The following FBXO5 variants were observed in gnomAD, a reference collection of about 807,000 sequenced individuals.
FBXO5 encodes the protein F-box protein 5, also known as F-box only protein 5.
Under a neutral mutation model 43.3 loss-of-function variants are expected in FBXO5, and 8 were observed. The ratio of observed to expected loss-of-function variants is 0.18; its 90% CI spans 0.11 to 0.33. FBXO5 has a LOEUF of 0.33. FBXO5 is among the 10% of genes least tolerant of loss of function. The probability of loss-of-function intolerance (pLI) is 1.00; values close to 1 mark genes in which losing one functional copy is unlikely to be tolerated. For missense variants in FBXO5, 491 were observed against 535.7 expected (o/e 0.92, Z 0.82); for synonymous variants, 204 against 193.7 (o/e 1.05, Z -0.44).
In FBXO5 at chr6:152,982,488, GGGGGA is replaced by G. The variant is rs376963527; in HGVS notation, c.103+364_103+368del. ...CTGTCACCGCCGGGGGCCCCGGGGTGGGGGAGGGGAGGGGCATTTGGCGCCTATTC... is the reference window on the plus strand; with the variant it reads ...CTGTCACCGCCGGGGGCCCCGGGGTGGGGGAGGGGCATTTGGCGCCTATTC... On this transcript the variant is annotated intron_variant, in intron 1 of 4. Coordinates refer to ENST00000229758, the MANE Select transcript of FBXO5 (RefSeq NM_012177.5). Among the ~76,000 whole-genome samples, 51 of 152,224 alleles carry G rather than the reference GGGGGA, an allele frequency of 3.4e-4. No homozygotes were observed. The East Asian group carries it at 9.7e-3, about 29-fold the overall frequency.
At position 152,982,879 on chromosome 6, in the gene FBXO5, G is replaced by A; in HGVS notation, c.81C>T (p.Ala27=). The change falls in exon 1 of 5, where the codon GCC becomes GCT. Residue 27 remains alanine (A), a synonymous_variant. Transcript: ENST00000229758. The part of the protein sequence containing the change: ...CSASPSAVTA[A]GRPRPSDSCK... Reference sequence around the variant, plus strand: ...CACTATCCGAGGGTCGAGGGCGCCCGGCGGCTGTCACTGCGCTGGGGCTGG... The same window carrying A: ...CACTATCCGAGGGTCGAGGGCGCCCAGCGGCTGTCACTGCGCTGGGGCTGG... The A allele has an allele frequency of 2.6e-6, 4 of 1,511,842 alleles. No homozygotes were observed. The highest frequency in any genetic ancestry group is 2.4e-5 in the South Asian group (2 of 82,272). The allele number at this position is 1,511,842 out of a possible 1,614,324, so 93.7% of individuals were successfully genotyped here.
chr6:152,972,254 G>C lies in FBXO5; in HGVS notation c.1092+18C>G, dbSNP rs1204547827. 1.3e-6 allele frequency: 2 copies of C among 1,577,680 alleles called. No homozygotes were observed. Among genetic ancestry groups the C allele is most frequent in the Non-Finnish European group, 1.7e-6 (2 of 1,155,454 alleles). ...AAATCTCTTATGTTTTAAGATTTAT[G>C]ATTAGACAAAAAATTACCTCAGAGA... On this transcript the variant is annotated intron_variant, in intron 4 of 4. Transcript: ENST00000229758.
At chr6:152,981,588 G>GA (rs966482905) in intron 1 of FBXO5, among the ~76,000 whole-genome samples, 4 of 150,252 alleles carry the variant, frequency 2.7e-5, no homozygotes, top group African/African-American at 7.3e-5. Flanking sequence ...GTAAACTGGG[G>GA]AAAAAATTCC....
At position 152,982,965 on chromosome 6, in the gene FBXO5, C is replaced by A. The variant is rs375372371; in HGVS notation, c.-6G>T. Reference sequence around the variant, plus strand: ...CTGCAGGGGCGCCGGCTCATGCCAGCCGACGTGGAGTCTGCCTCAGGTGGA... The same window carrying A: ...CTGCAGGGGCGCCGGCTCATGCCAGACGACGTGGAGTCTGCCTCAGGTGGA... On this transcript the variant is annotated 5_prime_UTR_variant, in exon 1 of 5. Transcript: ENST00000229758. The A allele has an allele frequency of 4.3e-6, 6 of 1,401,008 alleles. No individual in the cohort carries two copies. The African/African-American group carries it at 9.1e-5, about 21-fold the overall frequency. 86.8% of individuals were successfully genotyped at this position (1,401,008 alleles called of 1,614,324 possible).
chr6:152,975,287 G>A lies in FBXO5; in HGVS notation c.438C>T (p.Gly146=). 2.5e-6 allele frequency: 4 copies of A among 1,614,158 alleles called. No individual in the cohort carries two copies. In the South Asian group the frequency reaches 4.4e-5, roughly 18 times the overall value. ...CACTTTGTAGAGAAAATGAGGAATA[G>A]CCACTGTCTTCATAAAGTCTACTGG... ...LETSRLYEDS[G]YSSFSLQSGL... The change falls in exon 2 of 5, where the codon GGC becomes GGT. Residue 146 remains glycine (G), a synonymous_variant. Transcript: ENST00000229758.
At chr6:152,980,493 C>T (rs1778244280) in intron 1 of FBXO5, among the ~76,000 whole-genome samples, 1 of 152,078 alleles carries the variant, frequency 6.6e-6, no homozygotes. Flanking sequence ...GAATGATCTG[C>T]AGATTTGTGG....
At chr6:152,976,711 C>G (rs984098927) in intron 1 of FBXO5, among the ~76,000 whole-genome samples, 2 of 152,146 alleles carry the variant, frequency 1.3e-5, no homozygotes, top group Non-Finnish European at 2.9e-5. Flanking sequence ...AAGGGAAAGA[C>G]TTGTTCAGGG....
At chr6:152,975,782 T>C (rs571133445) in intron 1 of FBXO5, among the ~76,000 whole-genome samples, 161 bp from the exon 2 acceptor site, 1 of 152,344 alleles carries the variant, frequency 6.6e-6, no homozygotes, top group Non-Finnish European at 1.5e-5. Context: ...GTTTAATTAT[T>C]GATATGACAA....
intron 3 of FBXO5, chr6:152,972,675 A>T: frequency 2.0e-6 from 1 of 506,418 alleles, no homozygotes; most frequent in South Asian, 3.2e-5. Flanking sequence ...ATACTATGGG[A>T]AATCACTTTA....
chr6:152,981,963 A>G (rs1284416358), intron 1 of FBXO5, among the ~76,000 whole-genome samples: 1 of 152,184 alleles, frequency 6.6e-6, no homozygotes, highest in Non-Finnish European at 1.5e-5. Flanking sequence ...GAAATAAAGG[A>G]CTATCTAATT....
chr6:152,977,369 C>G (rs562185384), intron 1 of FBXO5, among the ~76,000 whole-genome samples: 13 of 152,132 alleles, frequency 8.5e-5, no homozygotes, highest in Non-Finnish European at 1.8e-4. Flanking sequence ...AAAACTTAAC[C>G]ATTTTTTACA....
intron 1 of FBXO5, among the ~76,000 whole-genome samples, chr6:152,979,942 AT>A (rs1230321884): frequency 3.9e-5 from 6 of 152,206 alleles, no homozygotes; most frequent in Non-Finnish European, 8.8e-5. Context: ...TGAGAGTGAA[AT>A]CTGGATGTTG....
chr6:152,982,895 C>T lies in FBXO5; in HGVS notation c.65G>A (p.Ser22Asn). Reference protein sequence around the residue: ...PPRCSCSASPSAVTAAGRPRP... With the variant: ...PPRCSCSASPNAVTAAGRPRP... Reference sequence around the variant, plus strand: ...AGGGCGCCCGGCGGCTGTCACTGCGCTGGGGCTGGCGCTGCAGGAGCAGCG... The same window carrying T: ...AGGGCGCCCGGCGGCTGTCACTGCGTTGGGGCTGGCGCTGCAGGAGCAGCG... Residue 22 changes from serine to asparagine, a missense_variant, in exon 1 of 5, where the codon AGC becomes AAC. Ser to Asn is a conservative substitution (Grantham distance 46). Transcript: ENST00000229758. 2 of 1,508,300 alleles carry T rather than the reference C, an allele frequency of 1.3e-6. No homozygotes were observed. Among genetic ancestry groups the T allele is most frequent in the Non-Finnish European group, 1.8e-6 (2 of 1,135,520 alleles). The allele number at this position is 1,508,300 out of a possible 1,614,324, so 93.4% of individuals were successfully genotyped here.
chr6:152,971,888 T>C (rs2129093082), intron 4 of FBXO5, among the ~76,000 whole-genome samples: 1 of 152,324 alleles, frequency 6.6e-6, no homozygotes, highest in South Asian at 2.1e-4. Flanking sequence ...ATGCAAAATG[T>C]AGTACTGAGT....
At chr6:152,982,501 G>A (rs1464121462) in intron 1 of FBXO5, among the ~76,000 whole-genome samples, 2 of 152,104 alleles carry the variant, frequency 1.3e-5, no homozygotes, top group Non-Finnish European at 2.9e-5. Flanking sequence ...GGAGGGGAGG[G>A]GCATTTGGCG....
At chr6:152,983,546 C>G (rs922080369), upstream of FBXO5, 2 of 152,408 alleles carry the variant, frequency 1.3e-5, no homozygotes, top group African/African-American at 2.4e-5. Context: ...GACCCTCCCC[C>G]CAGTCCAGCT....
rs1371561186 is a variant in FBXO5, at chr6:152,970,612, T to C, written c.*551A>G. 6.6e-6 allele frequency: 1 copy of C among 152,244 alleles called. No individual in the cohort carries two copies. The highest frequency in any genetic ancestry group is 6.5e-5 in the Admixed American group (1 of 15,280). 9.4% of individuals were successfully genotyped at this position (152,244 alleles called of 1,614,324 possible). The stretch of plus-strand genomic sequence containing the variant: ...GACATATAAAAAATACAGAAATATT[T>C]ACATGTATACAAAAATATTAAAACA... On this transcript the variant is annotated 3_prime_UTR_variant, in exon 5 of 5. Coordinates refer to ENST00000229758, the MANE Select transcript of FBXO5 (RefSeq NM_012177.5).
At chr6:152,972,618 T>C (rs1316743758) in intron 3 of FBXO5, 164 bp from the exon 4 acceptor site, 1 of 563,874 alleles carries the variant, frequency 1.8e-6, no homozygotes, top group African/African-American at 1.9e-5. Context: ...AAAACCTAAA[T>C]ACTCACACAT....
At chr6:152,980,151 C>T (rs1778238974) in intron 1 of FBXO5, among the ~76,000 whole-genome samples, 1 of 152,252 alleles carries the variant, frequency 6.6e-6, no homozygotes. Flanking sequence ...GTGAAGTATT[C>T]ATATAATTAT....
Sources: allele counts gnomAD v4.1 joint callset (sites outside exome capture counted in the v4.1 genomes callset), GRCh38; gene constraint gnomAD v4.1.1; transcripts MANE v1.5; gene names NCBI Gene and HGNC (gene_info 2026-07-23, HGNC 2026-07-21).